ARNT: variants seen among roughly 807,000 people sequenced by gnomAD.
ARNT encodes the protein aryl hydrocarbon receptor nuclear translocator.
A neutral mutation model predicts 105.0 loss-of-function variants in ARNT; 30 were observed. That is an observed-to-expected ratio of 0.29 (90% CI 0.21 to 0.39). The LOEUF (loss-of-function observed/expected upper bound fraction) is 0.39. ARNT is among the 10% of genes least tolerant of loss of function. The pLI is 1.00. For synonymous variants in ARNT, 304 were observed against 344.0 expected, an observed-to-expected ratio of 0.88 and a Z score of 1.29; for missense variants, 748 against 978.7, an observed-to-expected ratio of 0.76 and a Z score of 3.15.
At chr1:150,839,336 T>A in intron 6 of ARNT, 105 bp downstream of exon 6, 1 of 1,135,670 alleles carries the variant, frequency 8.8e-7, no homozygotes, top group Non-Finnish European at 1.3e-6. Flanking sequence ...CGTTTTCCCA[T>A]TGTCTGACTT....
chr1:150,827,370 CT>C (rs1399824738), intron 12 of ARNT, among the ~76,000 whole-genome samples: 1 of 152,180 alleles, frequency 6.6e-6, no homozygotes, highest in African/African-American at 2.4e-5. Flanking sequence ...CACAAATCTG[CT>C]TTCTGCCTCT....
Position 150,831,812 on chromosome 1 carries a change from TC to T in ARNT, c.955+5del, listed in dbSNP as rs1659396831. On this transcript the variant is annotated splice_donor_5th_base_variant and intron_variant, in intron 10 of 21. Transcript: ENST00000358595. ...AGGGGAAATATTTACTATTTCACTT[TC>T]TTACCTGCTGGGGGCCAGGCCTTGA... The T allele has an allele frequency of 1.2e-6, 2 of 1,603,668 alleles. No homozygotes were observed. Among genetic ancestry groups the T allele is most frequent in the Non-Finnish European group, 1.7e-6 (2 of 1,174,868 alleles).
chr1:150,830,207 A>G (rs2101828780), intron 10 of ARNT: 2 of 440,816 alleles, frequency 4.5e-6, no homozygotes, highest in African/African-American at 2.0e-5. Context: ...TTAGCCAGGC[A>G]TGGTGGCATG....
chr1:150,835,343 G>A (rs945092100), intron 7 of ARNT, among the ~76,000 whole-genome samples: 1 of 151,990 alleles, frequency 6.6e-6, no homozygotes, highest in Admixed American at 6.6e-5. Context: ...GGCTCATGCC[G>A]ATAATCCCAG....
At chr1:150,813,625 A>T (rs1355157536) in intron 20 of ARNT, among the ~76,000 whole-genome samples, 1 of 151,434 alleles carries the variant, frequency 6.6e-6, no homozygotes, top group Non-Finnish European at 1.5e-5. Flanking sequence ...AGTATTTTTC[A>T]TGTGGGTAGT....
intron 14 of ARNT, among the ~76,000 whole-genome samples, chr1:150,821,828 C>CTTTT (rs367766946): frequency 4.4e-5 from 5 of 114,908 alleles, no homozygotes; most frequent in Admixed American, 8.9e-5. Context: ...TTTGTATTTT[C>CTTTT]TTTTTTTTTT....
intron 20 of ARNT, among the ~76,000 whole-genome samples, chr1:150,813,641 T>A (rs1408492333): frequency 2.6e-5 from 4 of 152,174 alleles, no homozygotes; most frequent in South Asian, 4.2e-4. Flanking sequence ...GTAGTTTTTT[T>A]TTTTTATTTT....
In ARNT at chr1:150,836,505, A is replaced by G; in HGVS notation, c.487-12T>C. On this transcript the variant is annotated splice_polypyrimidine_tract_variant and intron_variant, in intron 6 of 21. Coordinates refer to ENST00000358595, the MANE Select transcript of ARNT (RefSeq NM_001668.4). The stretch of plus-strand genomic sequence containing the variant: ...AAATGTTTCAGTTCCTGCGCAAGAA[A>G]AAGAAATAGAAGTTAATATTTTACT... 1 of 1,611,370 alleles carries G rather than the reference A, an allele frequency of 6.2e-7. No individual in the cohort carries two copies. Among genetic ancestry groups the G allele is most frequent in the Non-Finnish European group, 8.5e-7 (1 of 1,178,726 alleles).
At position 150,811,770 on chromosome 1, in the gene ARNT, G is replaced by A. The variant is rs1351169994; in HGVS notation, c.*251C>T. The A allele has an allele frequency of 3.2e-6, 1 of 316,458 alleles. No homozygotes were observed. Among genetic ancestry groups the A allele is most frequent in the East Asian group, 4.5e-5 (1 of 22,084 alleles). The allele number at this position is 316,458 out of a possible 1,614,324, so 19.6% of individuals were successfully genotyped here. A position where few individuals can be genotyped will look rare whatever the true frequency, so the allele number is the denominator to read the frequency against. Reference sequence around the variant, plus strand: ...TTCAGGTCAGGAGACATAAGGAAAGGTGTTTTAACTTCACCCAGCCTCAAA... The same window carrying A: ...TTCAGGTCAGGAGACATAAGGAAAGATGTTTTAACTTCACCCAGCCTCAAA... On this transcript the variant is annotated 3_prime_UTR_variant, in exon 22 of 22. Transcript: ENST00000358595.
At position 150,818,391 on chromosome 1, in the gene ARNT, A is replaced by C. The variant is rs187589240; in HGVS notation, c.1395-361T>G. On this transcript the variant is annotated intron_variant, in intron 14 of 21. Transcript: ENST00000358595. Reference sequence around the variant, plus strand: ...CAACAAAGACTATCTGGAGTGTGAGAATTTTATTCCTTCTCTTTGTATTTT... The same window carrying C: ...CAACAAAGACTATCTGGAGTGTGAGCATTTTATTCCTTCTCTTTGTATTTT... 36 of 162,470 alleles carry C rather than the reference A, an allele frequency of 2.2e-4. No homozygotes were observed. The East Asian group carries it at 5.6e-3, about 25-fold the overall frequency. 10.1% of individuals were successfully genotyped at this position (162,470 alleles called of 1,614,324 possible). A position where few individuals can be genotyped will look rare whatever the true frequency, so the allele number is the denominator to read the frequency against.
intron 8 of ARNT, among the ~76,000 whole-genome samples, chr1:150,833,278 C>T (rs1394920391): frequency 2.0e-5 from 3 of 152,092 alleles, no homozygotes; most frequent in Admixed American, 6.6e-5. Flanking sequence ...CTGACGCAGG[C>T]GAATCACTTG....
intron 15 of ARNT, among the ~76,000 whole-genome samples, 171 bp downstream of exon 15, chr1:150,817,749 C>T (rs1166083006): frequency 6.8e-6 from 1 of 147,252 alleles, no homozygotes; most frequent in African/African-American, 2.5e-5. Context: ...ACAGAGGTCA[C>T]AGTGAGCCTA....
intron 1 of ARNT, among the ~76,000 whole-genome samples, chr1:150,867,861 T>C (rs770313697): frequency 5.9e-4 from 89 of 152,118 alleles, no homozygotes; most frequent in Admixed American, 1.2e-3. Context: ...CTGCCAGCCA[T>C]GTGAAGACAT....
chr1:150,848,228 G>A (rs1030012427), intron 3 of ARNT, among the ~76,000 whole-genome samples: 10 of 152,208 alleles, frequency 6.6e-5, no homozygotes, highest in Non-Finnish European at 1.3e-4. Flanking sequence ...CACTTTGGGA[G>A]GCCGAGCCGA....
chr1:150,862,584 A>C (rs1162889367), intron 1 of ARNT, among the ~76,000 whole-genome samples: 1 of 151,912 alleles, frequency 6.6e-6, no homozygotes, highest in African/African-American at 2.4e-5. Context: ...CATTAAAAAA[A>C]AAAGTTCAGG....
Position 150,876,597 on chromosome 1 carries a change from C to T in ARNT, c.-30G>A. On this transcript the variant is annotated 5_prime_UTR_variant, in exon 1 of 22. Transcript: ENST00000358595. The stretch of plus-strand genomic sequence containing the variant: ...GCAGATGCCACCGCCGCCGCGCCAC[C>T]CCCCCCCCCAGTGGGAGGAGCCGCC... 5.6e-6 allele frequency: 1 copy of T among 180,060 alleles called. No homozygotes were observed. The allele number at this position is 180,060 out of a possible 1,614,324, so 11.2% of individuals were successfully genotyped here.
chr1:150,840,680 G>A (rs1471704934), intron 5 of ARNT, among the ~76,000 whole-genome samples: 1 of 152,132 alleles, frequency 6.6e-6, no homozygotes, highest in Non-Finnish European at 1.5e-5. Context: ...CTGGAGGAGT[G>A]GAATGGAGAG....
At position 150,810,695 on chromosome 1, in the gene ARNT, T is replaced by C. The variant is rs796477601; in HGVS notation, c.*1326A>G. On this transcript the variant is annotated 3_prime_UTR_variant, in exon 22 of 22. Coordinates refer to ENST00000358595, the MANE Select transcript of ARNT (RefSeq NM_001668.4). ...ACCTGAGGAAGGTAAAGGGTGAGGG[T>C]AGTAACCTGTATCCGCATTTATATG... The C allele has an allele frequency of 9.2e-6, 2 of 217,268 alleles. No individual in the cohort carries two copies. Among genetic ancestry groups the C allele is most frequent in the Admixed American group, 5.8e-5 (1 of 17,096 alleles). 13.5% of individuals were successfully genotyped at this position (217,268 alleles called of 1,614,324 possible).
In ARNT at chr1:150,811,479, T is replaced by TAC. The variant is rs1557837200; in HGVS notation, c.*540_*541dup. ...GTGCGCACACACACACACACACACA[T>TAC]ACACACACACTCTCTCTCACTTACT... is the stretch of plus-strand genomic sequence containing the variant. On this transcript the variant is annotated 3_prime_UTR_variant, in exon 22 of 22. Transcript: ENST00000358595. The TAC allele has an allele frequency of 2.3e-5, 3 of 131,700 alleles. No individual in the cohort carries two copies. The highest frequency in any genetic ancestry group is 8.7e-5 in the East Asian group (1 of 11,448). The allele number at this position is 131,700 out of a possible 1,614,324, so 8.2% of individuals were successfully genotyped here.
Sources: gnomAD v4.1 joint callset for allele counts (sites outside exome capture counted in the v4.1 genomes callset) on GRCh38, gnomAD v4.1.1 for gene constraint, MANE v1.5 for transcripts, NCBI Gene and HGNC (gene_info 2026-07-23, HGNC 2026-07-21) for gene names.